Variants in ADGRL2 observed in about 807,000 individuals in gnomAD.
ADGRL2 encodes adhesion G protein-coupled receptor L2, also known as calcium-independent alpha-latrotoxin receptor 2.
ADGRL2 carries 44 observed loss-of-function variants against 157.4 expected under a neutral mutation model. The ratio of observed to expected loss-of-function variants is 0.28; its 90% CI spans 0.22 to 0.36. The LOEUF is 0.36. ADGRL2 is among the 10% of genes least tolerant of loss of function. ADGRL2 has a pLI of 1.00. For missense variants in ADGRL2, 1,510 were observed against 1,768.9 expected, an observed-to-expected ratio of 0.85 and a Z score of 2.63; for synonymous variants, 585 against 624.7, an observed-to-expected ratio of 0.94 and a Z score of 0.95.
chr1:81,342,610 G>A (rs1160948212), intron 1 of ADGRL2, among the ~76,000 whole-genome samples: 1 of 151,950 alleles, frequency 6.6e-6, no homozygotes, highest in African/African-American at 2.4e-5. Flanking sequence ...ACTCTAATAG[G>A]TTTTAAAAAA....
At chr1:81,801,378 C>G (rs1216034852) in intron 1 of ADGRL2, among the ~76,000 whole-genome samples, 2 of 152,152 alleles carry the variant, frequency 1.3e-5, no homozygotes, top group Non-Finnish European at 2.9e-5. Flanking sequence ...TCAGACCTCG[C>G]GGAGAGTCTG....
chr1:81,939,761 AATTTT>A (rs1647230117), intron 4 of ADGRL2, among the ~76,000 whole-genome samples: 1 of 151,344 alleles, frequency 6.6e-6, no homozygotes, highest in South Asian at 2.1e-4. Context: ...TGATTATATT[AATTTT>A]ATTGTATTTT....
chr1:81,726,114 C>A (rs1273163265), intron 1 of ADGRL2, among the ~76,000 whole-genome samples: 1 of 152,226 alleles, frequency 6.6e-6, no homozygotes, highest in Non-Finnish European at 1.5e-5. Context: ...TAGGTATTTT[C>A]TCTTCTGTAC....
chr1:81,665,586 G>T (rs1043906963), intron 3 of ADGRL2, among the ~76,000 whole-genome samples: 6 of 152,122 alleles, frequency 3.9e-5, no homozygotes, highest in Admixed American at 3.9e-4. Flanking sequence ...GGGAAATGGA[G>T]GTTAATATTC....
rs1245871731 is a variant in ADGRL2 at position 81,557,076 on chromosome 1, C to T, written c.-247-23800C>T. On this transcript the variant is annotated intron_variant, in intron 2 of 24. Coordinates refer to the ADGRL2 transcript ENST00000370721. ...AAGAAGAGATGTGTGGCAAACTTCA[C>T]GAAGCAGCCCACTCTCAGGCTGACC... The T allele has an allele frequency of 1.6e-5, 3 of 182,782 alleles. 1 individual carries two copies. Among genetic ancestry groups the T allele is most frequent in the Non-Finnish European group, 1.2e-5 (1 of 82,590 alleles). The allele number at this position is 182,782 out of a possible 1,614,324, so 11.3% of individuals were successfully genotyped here.
chr1:81,968,455 A>G (rs1657777282), intron 14 of ADGRL2, among the ~76,000 whole-genome samples: 1 of 152,196 alleles, frequency 6.6e-6, no homozygotes, highest in East Asian at 1.9e-4. Flanking sequence ...TAGAGACAAC[A>G]GAAGATTTAA....
chr1:81,321,861 G>T (rs975913526), intron 1 of ADGRL2, among the ~76,000 whole-genome samples: 1 of 150,886 alleles, frequency 6.6e-6, no homozygotes, highest in African/African-American at 2.4e-5. Flanking sequence ...CAATAGACTT[G>T]CTGGACCAAA....
chr1:81,350,422 T>A (rs1291642264), intron 1 of ADGRL2, among the ~76,000 whole-genome samples: 1 of 152,188 alleles, frequency 6.6e-6, no homozygotes, highest in East Asian at 1.9e-4. Context: ...TTAAATTAGA[T>A]CTTCAAGGAT....
rs116107303 is a variant in ADGRL2 at position 81,765,164 on chromosome 1, C to T, written c.-101+3312C>T. ...TCTAGTATCAATCTTTCCTAAAGAG[C>T]GGGGAGCCAAATTCACACAGATTTG... On this transcript the variant is annotated intron_variant, in intron 2 of 20. Transcript: ENST00000359929. Among the ~76,000 whole-genome samples the T allele has an allele frequency of 9.2e-3, 1,397 of 151,776 alleles. 24 individuals carry two copies. Among genetic ancestry groups the T allele is most frequent in the African/African-American group, 0.032 (1,315 of 41,424 alleles).
At chr1:81,970,210 T>C (rs959894147) in intron 15 of ADGRL2, 104 bp from the exon 16 acceptor site, 1 of 809,188 alleles carries the variant, frequency 1.2e-6, no homozygotes, top group African/African-American at 1.7e-5. Context: ...ATAATGTATT[T>C]TTGAAATAAT....
chr1:81,846,097 G>A (rs922727015), intron 2 of ADGRL2, among the ~76,000 whole-genome samples: 3 of 151,740 alleles, frequency 2.0e-5, no homozygotes, highest in Admixed American at 6.6e-5. Flanking sequence ...AAAATCAAGT[G>A]AACTAACATT....
chr1:81,354,761 C>T (rs1010663467), intron 1 of ADGRL2, among the ~76,000 whole-genome samples: 2 of 152,184 alleles, frequency 1.3e-5, no homozygotes, highest in African/African-American at 4.8e-5. Flanking sequence ...AGGCAGCAAG[C>T]TTGCAAGGAC....
intron 2 of ADGRL2, among the ~76,000 whole-genome samples, chr1:81,449,570 C>G (rs2077667891): frequency 6.6e-6 from 1 of 152,160 alleles, no homozygotes; most frequent in Non-Finnish European, 1.5e-5. Flanking sequence ...ACTACAATTA[C>G]AACAGTTGAA....
At chr1:81,527,515 C>T (rs1172174665) in intron 2 of ADGRL2, among the ~76,000 whole-genome samples, 1 of 152,120 alleles carries the variant, frequency 6.6e-6, no homozygotes, top group African/African-American at 2.4e-5. Flanking sequence ...AGTTCGAGAC[C>T]AGCCTGGCCA....
intron 2 of ADGRL2, among the ~76,000 whole-genome samples, chr1:81,466,777 A>G (rs2078064754): frequency 6.6e-6 from 1 of 152,158 alleles, no homozygotes; most frequent in African/African-American, 2.4e-5. Context: ...AGCCAACTCC[A>G]GAAGTCATAA....
chr1:81,978,306 C>G (rs190757164), intron 17 of ADGRL2, among the ~76,000 whole-genome samples: 1 of 151,484 alleles, frequency 6.6e-6, no homozygotes, highest in Non-Finnish European at 1.5e-5. Context: ...GTAACATCTC[C>G]GAAAATTCAA....
chr1:81,895,285 GT>G (rs1241068597), intron 2 of ADGRL2, among the ~76,000 whole-genome samples: 1 of 151,040 alleles, frequency 6.6e-6, no homozygotes, highest in Non-Finnish European at 1.5e-5. Context: ...TACCTTTAGA[GT>G]TTATTGTTGC....
In ADGRL2 at chr1:81,391,197, T is replaced by C. The variant is rs1386612916; in HGVS notation, c.-301-53839T>C. 2.6e-5 allele frequency among the ~76,000 whole-genome samples: 4 copies of C among 152,422 alleles called. No individual in the cohort carries two copies. In the South Asian group the frequency reaches 8.3e-4, roughly 32 times the overall value. ...TTCATTGATGCAGCAAACTCATTTT[T>C]TGAGCACTTATCCAGTGCTCCGGAC... On this transcript the variant is annotated intron_variant, in intron 1 of 24. Coordinates refer to the ADGRL2 transcript ENST00000370721.
chr1:81,773,233 C>T lies in ADGRL2; in HGVS notation c.-101+11381C>T, dbSNP rs550858749. Among the ~76,000 whole-genome samples, 10 of 152,284 alleles carry T rather than the reference C, an allele frequency of 6.6e-5. No homozygotes were observed. In the South Asian group the frequency reaches 2.1e-3, roughly 32 times the overall value. On this transcript the variant is annotated intron_variant, in intron 2 of 20. Coordinates refer to the ADGRL2 transcript ENST00000359929. ...TTAAACTTCCTAGGGATCCATGAAC[C>T]AGTAAATTGCCTGTGCTGAAACTTA...
Sources: allele counts gnomAD v4.1 joint callset (sites outside exome capture counted in the v4.1 genomes callset), GRCh38; gene constraint gnomAD v4.1.1; transcripts MANE v1.5; gene names NCBI Gene and HGNC (gene_info 2026-07-23, HGNC 2026-07-21).